ARID3B: variants seen among roughly 807,000 people sequenced by gnomAD.
The protein encoded by ARID3B is AT-rich interaction domain 3B.
Under a neutral mutation model 51.9 loss-of-function variants are expected in ARID3B, and 10 were observed. The observed-to-expected ratio is 0.19, with a 90% confidence interval of 0.12 to 0.33. The LOEUF is 0.33. Ranked by LOEUF, ARID3B falls within the 10% of genes least tolerant of loss-of-function variation. The pLI is 1.00. For synonymous variants in ARID3B, 205 were observed against 279.5 expected, an observed-to-expected ratio of 0.73 and a Z score of 2.66; for missense variants, 483 against 716.3, an observed-to-expected ratio of 0.67 and a Z score of 3.72.
chr15:74,594,403 G>C (rs531005268), intron 8 of ARID3B, among the ~76,000 whole-genome samples: 2 of 152,108 alleles, frequency 1.3e-5, no homozygotes, highest in African/African-American at 4.8e-5. Flanking sequence ...AGCTGAGATC[G>C]CGCCACTGCA....
chr15:74,543,174 C>T (rs1047616234), intron 1 of ARID3B, among the ~76,000 whole-genome samples: 1 of 152,162 alleles, frequency 6.6e-6, no homozygotes, highest in African/African-American at 2.4e-5. Flanking sequence ...TGCCTCCTTG[C>T]GTGTTTCTTT....
At chr15:74,592,554 C>A (rs1460659338) in intron 7 of ARID3B, among the ~76,000 whole-genome samples, 1 of 152,232 alleles carries the variant, frequency 6.6e-6, no homozygotes, top group Non-Finnish European at 1.5e-5. Context: ...AGGTACCCTG[C>A]TCCTGCACAA....
In ARID3B at chr15:74,596,044, C is replaced by G. The variant is rs1363995312; in HGVS notation, c.*270C>G. ...GGGGTCTGTGGGTGTCCAGCTTCCT[C>G]CAGGGTTCCCCAGCCACCTCCCAGC... On this transcript the variant is annotated 3_prime_UTR_variant, in exon 9 of 9. Coordinates refer to ENST00000346246, the MANE Select transcript of ARID3B (RefSeq NM_006465.4). 6.9e-6 allele frequency: 3 copies of G among 436,830 alleles called. No individual in the cohort carries two copies. In the East Asian group the frequency reaches 1.1e-4, roughly 17 times the overall value. 27.1% of individuals were successfully genotyped at this position (436,830 alleles called of 1,614,324 possible). A position where few individuals can be genotyped will look rare whatever the true frequency, so the allele number is the denominator to read the frequency against.
intron 4 of ARID3B, among the ~76,000 whole-genome samples, chr15:74,584,818 C>T (rs1034464163): frequency 6.6e-6 from 1 of 152,218 alleles, no homozygotes; most frequent in African/African-American, 2.4e-5. Flanking sequence ...GTGCCAGCGC[C>T]CAGCGGCATT....
At chr15:74,553,803 T>TTTTA (rs202077230) in intron 2 of ARID3B, among the ~76,000 whole-genome samples, 12,407 of 150,206 alleles carry the variant, frequency 0.083, 979 homozygotes, top group Admixed American at 0.25. Flanking sequence ...GTTTTTTAAT[T>TTTTA]TTTATTTATT....
At chr15:74,556,486 A>T (rs772813949) in intron 2 of ARID3B, among the ~76,000 whole-genome samples, 1 of 152,244 alleles carries the variant, frequency 6.6e-6, no homozygotes, top group Non-Finnish European at 1.5e-5. Context: ...TGACAGAGAC[A>T]CAAAGTGAGC....
At chr15:74,590,984 CAG>C (rs1168019972) in intron 5 of ARID3B, among the ~76,000 whole-genome samples, 165 bp from the exon 6 acceptor site, 4 of 152,172 alleles carry the variant, frequency 2.6e-5, no homozygotes, top group Non-Finnish European at 4.4e-5. Flanking sequence ...GAGGCTGGGG[CAG>C]AGTGTCCGGC....
intron 2 of ARID3B, among the ~76,000 whole-genome samples, chr15:74,553,168 G>A (rs938917978): frequency 3.3e-5 from 5 of 152,178 alleles, no homozygotes; most frequent in African/African-American, 1.2e-4. Context: ...TAGATTCACA[G>A]GGAGTTGAAA....
chr15:74,587,349 T>C (rs1277572593), intron 4 of ARID3B, among the ~76,000 whole-genome samples: 1 of 152,140 alleles, frequency 6.6e-6, no homozygotes, highest in African/African-American at 2.4e-5. Flanking sequence ...CATGAAGCCT[T>C]CTAACACCCT....
intron 2 of ARID3B, among the ~76,000 whole-genome samples, chr15:74,563,023 C>T (rs900257514): frequency 1.3e-5 from 2 of 152,150 alleles, no homozygotes; most frequent in Admixed American, 1.3e-4. Flanking sequence ...TCTGATTTTC[C>T]CCCCAGATTA....
At chr15:74,590,576 T>C (rs2061799315) in intron 5 of ARID3B, among the ~76,000 whole-genome samples, 1 of 152,204 alleles carries the variant, frequency 6.6e-6, no homozygotes. Flanking sequence ...ATAGTAGCAC[T>C]GAAGAATGAG....
rs1275883259 is a variant in ARID3B at position 74,560,360 on chromosome 15, A to T, written c.553-12502A>T. ...ATTTTAGAAATTTGGAAATGTATGA[A>T]ATAAAAGTCTGACTCTTCAGGTGTA... is the stretch of plus-strand genomic sequence containing the variant. On this transcript the variant is annotated intron_variant, in intron 2 of 8. Coordinates refer to ENST00000346246, the MANE Select transcript of ARID3B (RefSeq NM_006465.4). Among the ~76,000 whole-genome samples the T allele has an allele frequency of 5.3e-5, 8 of 152,264 alleles. No individual in the cohort carries two copies. The South Asian group carries it at 1.7e-3, about 32-fold the overall frequency.
chr15:74,561,893 T>C (rs2081936964), intron 2 of ARID3B, among the ~76,000 whole-genome samples: 2 of 152,120 alleles, frequency 1.3e-5, no homozygotes, highest in Non-Finnish European at 2.9e-5. Flanking sequence ...TAGTATTCAG[T>C]AAATTACAAG....
At chr15:74,552,644 G>A (rs1347046687) in intron 2 of ARID3B, among the ~76,000 whole-genome samples, 1 of 151,760 alleles carries the variant, frequency 6.6e-6, no homozygotes, top group African/African-American at 2.4e-5. Context: ...TTCTTTTCCT[G>A]TCTATGGTTT....
At chr15:74,584,012 T>C (rs9788672) in intron 4 of ARID3B, among the ~76,000 whole-genome samples, 27,276 of 152,176 alleles carry the variant, frequency 0.18, 3,537 homozygotes, top group East Asian at 0.42. Context: ...TTCCTTTTCC[T>C]TTCCCGTTTC....
intron 2 of ARID3B, among the ~76,000 whole-genome samples, chr15:74,545,726 C>A (rs1352628941): frequency 6.6e-6 from 1 of 152,164 alleles, no homozygotes; most frequent in South Asian, 2.1e-4. Flanking sequence ...TAAGAAAGGT[C>A]CTTTGGAACC....
At chr15:74,553,834 A>ATTATT (rs2061646731) in intron 2 of ARID3B, among the ~76,000 whole-genome samples, 1 of 135,596 alleles carries the variant, frequency 7.4e-6, no homozygotes, top group South Asian at 2.3e-4. Context: ...TTTATTTATT[A>ATTATT]TTTTTTGAGA....
At chr15:74,553,078 A>G (rs2061643917) in intron 2 of ARID3B, among the ~76,000 whole-genome samples, 1 of 152,214 alleles carries the variant, frequency 6.6e-6, no homozygotes, top group Non-Finnish European at 1.5e-5. Context: ...GTTGCTCCAC[A>G]TCCTCACCAG....
intron 7 of ARID3B, among the ~76,000 whole-genome samples, 169 bp from the exon 8 acceptor site, chr15:74,592,969 G>C (rs2061809340): frequency 6.6e-6 from 1 of 152,216 alleles, no homozygotes; most frequent in African/African-American, 2.4e-5. Flanking sequence ...AGCAACAGGA[G>C]ATTGGCGAGC....
Sources: allele counts gnomAD v4.1 joint callset (sites outside exome capture counted in the v4.1 genomes callset), GRCh38; gene constraint gnomAD v4.1.1; transcripts MANE v1.5; gene names NCBI Gene and HGNC (gene_info 2026-07-23, HGNC 2026-07-21).